The following MTHFD1L variants were observed in gnomAD, a reference collection of about 807,000 sequenced individuals.
MTHFD1L encodes the protein monofunctional C1-tetrahydrofolate synthase, mitochondrial.
MTHFD1L carries 81 observed loss-of-function variants against 119.5 expected under a neutral mutation model. The observed-to-expected ratio is 0.68, with a 90% CI of 0.57 to 0.82. The LOEUF (loss-of-function observed/expected upper bound fraction) is 0.82. Ranked by LOEUF, MTHFD1L falls within the 40% of genes least tolerant of loss-of-function variation. MTHFD1L has a pLI of 0.00. For missense variants in MTHFD1L, 1,125 were observed against 1,253.4 expected, an observed-to-expected ratio of 0.90 and a Z score of 1.55; for synonymous variants, 430 against 475.2, an observed-to-expected ratio of 0.90 and a Z score of 1.24.
At chr6:151,034,248 T>G (rs1353011431) in intron 24 of MTHFD1L, among the ~76,000 whole-genome samples, 6 of 152,056 alleles carry the variant, frequency 3.9e-5, no homozygotes, top group Non-Finnish European at 8.8e-5. Flanking sequence ...ATAAGAAGCC[T>G]CTAAATTGCC....
intron 27 of MTHFD1L, among the ~76,000 whole-genome samples, chr6:151,095,345 C>T (rs1480322685): frequency 1.3e-5 from 2 of 152,104 alleles, no homozygotes; most frequent in African/African-American, 4.8e-5. Flanking sequence ...TAGCAATTCT[C>T]TTTTTATGTC....
At chr6:151,052,792 T>C (rs150507108) in intron 26 of MTHFD1L, among the ~76,000 whole-genome samples, 1,762 of 152,308 alleles carry the variant, frequency 0.012, 18 homozygotes, top group South Asian at 0.021. Flanking sequence ...CTTCACTCTT[T>C]AATGCAGAAA....
intron 26 of MTHFD1L, chr6:151,088,146 T>C (rs1794005808): frequency 2.0e-5 from 3 of 152,194 alleles, no homozygotes; most frequent in Non-Finnish European, 4.4e-5. Flanking sequence ...GCATAAGGTC[T>C]TGCTAACATA....
At chr6:150,923,614 C>T (rs1451655522) in intron 10 of MTHFD1L, among the ~76,000 whole-genome samples, 1 of 143,586 alleles carries the variant, frequency 7.0e-6, no homozygotes, top group Non-Finnish European at 1.5e-5. Context: ...GGTGTTCCAC[C>T]TGCCTCGGCC....
At chr6:150,980,606 G>A (rs888584936) in intron 20 of MTHFD1L, among the ~76,000 whole-genome samples, 1 of 151,448 alleles carries the variant, frequency 6.6e-6, no homozygotes, top group Middle Eastern at 3.2e-3. Context: ...AGCTGGGCAT[G>A]GTGGCGCATG....
At chr6:151,081,988 A>G (rs1793234710) in intron 26 of MTHFD1L, among the ~76,000 whole-genome samples, 1 of 152,162 alleles carries the variant, frequency 6.6e-6, no homozygotes, top group Non-Finnish European at 1.5e-5. Flanking sequence ...TTTCCTTGCC[A>G]GTAGGACCTT....
At chr6:150,925,247 C>A (rs1010641142) in intron 10 of MTHFD1L, among the ~76,000 whole-genome samples, 1 of 152,126 alleles carries the variant, frequency 6.6e-6, no homozygotes, top group Non-Finnish European at 1.5e-5. Context: ...TAAGGGTAGT[C>A]CCCCGCCGCG....
intron 11 of MTHFD1L, among the ~76,000 whole-genome samples, chr6:150,930,187 G>T (rs1790791011): frequency 6.6e-6 from 1 of 152,078 alleles, no homozygotes; most frequent in African/African-American, 2.4e-5. Flanking sequence ...GATCACTTGA[G>T]GCCAGGAGTT....
intron 1 of MTHFD1L, among the ~76,000 whole-genome samples, chr6:150,873,192 G>T (rs542463522): frequency 1.3e-5 from 2 of 152,192 alleles, no homozygotes; most frequent in East Asian, 3.9e-4. Flanking sequence ...GCATGCACCA[G>T]TAGTCCCAGC....
chr6:150,867,468 C>A (rs1225890322), intron 1 of MTHFD1L, among the ~76,000 whole-genome samples: 1 of 152,234 alleles, frequency 6.6e-6, no homozygotes, highest in Non-Finnish European at 1.5e-5. Context: ...ATTAATTACA[C>A]GTCAGGTCAT....
chr6:151,090,287 C>T (rs993179227), intron 26 of MTHFD1L, among the ~76,000 whole-genome samples: 1 of 152,232 alleles, frequency 6.6e-6, no homozygotes, highest in Admixed American at 6.5e-5. Flanking sequence ...TCCCTCTCCC[C>T]ACCCCCAGTC....
chr6:150,995,884 A>G (rs1273817558), intron 20 of MTHFD1L, among the ~76,000 whole-genome samples: 1 of 152,052 alleles, frequency 6.6e-6, no homozygotes, highest in African/African-American at 2.4e-5. Flanking sequence ...GCTGGTTTTG[A>G]ACTCCTGACT....
chr6:151,051,233 G>T (rs1286709684), intron 26 of MTHFD1L, among the ~76,000 whole-genome samples: 1 of 152,194 alleles, frequency 6.6e-6, no homozygotes, highest in Non-Finnish European at 1.5e-5. Flanking sequence ...CAAGGACAAA[G>T]ATGAAATATA....
chr6:150,985,242 G>A (rs1417614532), intron 20 of MTHFD1L: 2 of 151,970 alleles, frequency 1.3e-5, no homozygotes, highest in Admixed American at 6.6e-5. Context: ...TTTTCTTTTG[G>A]TAAATGAAAC....
At chr6:150,961,783 A>C (rs890355544) in intron 18 of MTHFD1L, among the ~76,000 whole-genome samples, 1 of 152,238 alleles carries the variant, frequency 6.6e-6, no homozygotes, top group African/African-American at 2.4e-5. Context: ...AAAATTGAAG[A>C]GAAAACCCTC....
chr6:150,920,839 C>T (rs1459540220), intron 9 of MTHFD1L, among the ~76,000 whole-genome samples: 1 of 151,960 alleles, frequency 6.6e-6, no homozygotes, highest in South Asian at 2.1e-4. Flanking sequence ...GTGGCACGAT[C>T]TCAGCTCACT....
chr6:151,092,617 C>T, intron 27 of MTHFD1L, 30 bp downstream of exon 27: 1 of 1,409,240 alleles, frequency 7.1e-7, no homozygotes, highest in Non-Finnish European at 9.8e-7. Flanking sequence ...CTTTTTCTCT[C>T]TTTGTTTTTT....
At chr6:150,866,744 C>T (rs531264739) in intron 1 of MTHFD1L, 1 of 1,030,886 alleles carries the variant, frequency 9.7e-7, no homozygotes, top group East Asian at 6.8e-5. Context: ...GCTGGGTTTG[C>T]AGGGTTTTCT....
chr6:150,899,014 T>C (rs1237447395), intron 7 of MTHFD1L: 1 of 1,007,614 alleles, frequency 9.9e-7, no homozygotes, highest in African/African-American at 1.7e-5. Context: ...TGCTGCATTT[T>C]TCCTTTTATC....
Sources: gnomAD v4.1 joint callset for allele counts (sites outside exome capture counted in the v4.1 genomes callset) on GRCh38, gnomAD v4.1.1 for gene constraint, MANE v1.5 for transcripts, NCBI Gene and HGNC (gene_info 2026-07-23, HGNC 2026-07-21) for gene names.